LRPPRC: variants seen among roughly 807,000 people sequenced by gnomAD.
LRPPRC encodes leucine rich pentatricopeptide repeat containing, also known as leucine-rich PPR motif-containing protein, mitochondrial.
Under a neutral mutation model 180.3 loss-of-function variants are expected in LRPPRC, and 120 were observed. The observed-to-expected ratio is 0.67, with a 90% CI of 0.57 to 0.77. The LOEUF is 0.77. LRPPRC is among the 30% of genes least tolerant of loss of function. LRPPRC has a pLI of 0.00. For synonymous variants in LRPPRC, 723 were observed against 600.0 expected (o/e 1.21, Z -3.00); for missense variants, 2,012 against 1,657.2 (o/e 1.21, Z -3.72).
upstream of LRPPRC, chr2:43,996,064 G>GA (rs1480499118): frequency 6.0e-6 from 6 of 1,007,240 alleles, no homozygotes; most frequent in South Asian, 7.3e-5. Context: ...AATGTGGGGG[G>GA]AGCGACGGAT....
intron 14 of LRPPRC, among the ~76,000 whole-genome samples, chr2:43,952,706 G>A (rs912710279): frequency 3.5e-4 from 54 of 152,120 alleles, no homozygotes; most frequent in African/African-American, 1.2e-3. Flanking sequence ...CTGCATGTAC[G>A]TATTTAAGTT....
At chr2:43,968,577 T>G (rs1418522230) in intron 11 of LRPPRC, among the ~76,000 whole-genome samples, 2 of 152,156 alleles carry the variant, frequency 1.3e-5, no homozygotes, top group Non-Finnish European at 2.9e-5. Flanking sequence ...CTTCTCTACA[T>G]AAAGAAAGCT....
At chr2:43,918,533 A>C (rs762133713) in intron 27 of LRPPRC, 135 bp from the exon 28 acceptor site, 1 of 734,258 alleles carries the variant, frequency 1.4e-6, no homozygotes, top group Non-Finnish European at 2.3e-6. Flanking sequence ...AGGAACCAAA[A>C]GTGACCGTGA....
Position 43,974,640 on chromosome 2 carries a change from A to T in LRPPRC, c.983T>A (p.Val328Asp). The change falls in exon 8 of 38, where the codon GTT (valine) becomes GAT (aspartate). Residue 328 changes from valine to aspartate, a missense_variant. Physicochemically the swap from Val to Asp is radical, Grantham distance 152. Coordinates refer to ENST00000260665, the MANE Select transcript of LRPPRC (RefSeq NM_133259.4). ...TGGAATATATCTTCTTTCACATGTA[A>T]CTTTTTCCAAAATTTCTGAGACATA... The part of the protein sequence containing the change: ...PQYVSEILEK[V>D]TCERRYIPDA... The T allele has an allele frequency of 6.2e-7, 1 of 1,605,082 alleles. No homozygotes were observed. The highest frequency in any genetic ancestry group is 8.5e-7 in the Non-Finnish European group (1 of 1,171,976).
At chr2:43,995,375 T>A (rs538581059) in intron 1 of LRPPRC, among the ~76,000 whole-genome samples, 28 of 152,294 alleles carry the variant, frequency 1.8e-4, no homozygotes, top group Non-Finnish European at 2.4e-4. Flanking sequence ...CGCAAAAAGC[T>A]AAATTTCCAA....
rs770240891 is a variant in LRPPRC at position 43,944,566 on chromosome 2, C to T, written c.2297-672G>A. Among the ~76,000 whole-genome samples the T allele has an allele frequency of 2.6e-5, 4 of 152,064 alleles. No individual in the cohort carries two copies. The South Asian group carries it at 8.3e-4, about 32-fold the overall frequency. ...TAATCCTTAGAAAGAGTTAGAAAGG[C>T]GTCCTAGGAAAACATTCAATGTTCT... On this transcript the variant is annotated intron_variant, in intron 22 of 37. Transcript: ENST00000260665.
intron 1 of LRPPRC, among the ~76,000 whole-genome samples, chr2:43,991,205 A>G (rs1257023563): frequency 6.6e-6 from 1 of 151,586 alleles, no homozygotes; most frequent in Non-Finnish European, 1.5e-5. Context: ...TTGTTTTTGT[A>G]TTTTTAGTAA....
intron 36 of LRPPRC, among the ~76,000 whole-genome samples, chr2:43,890,982 G>GC (rs1670470404): frequency 6.6e-6 from 1 of 152,090 alleles, no homozygotes; most frequent in Non-Finnish European, 1.5e-5. Context: ...ATTGTCAACC[G>GC]CAACTCCGGC....
At chr2:43,937,311 T>G (rs1364570098) in intron 23 of LRPPRC, among the ~76,000 whole-genome samples, 1 of 152,142 alleles carries the variant, frequency 6.6e-6, no homozygotes, top group East Asian at 1.9e-4. Context: ...GAATTAGAAA[T>G]TTATAATGAA....
At chr2:43,948,626 G>C in intron 16 of LRPPRC, 108 bp from the exon 17 acceptor site, 1 of 717,764 alleles carries the variant, frequency 1.4e-6, no homozygotes, top group South Asian at 1.5e-5. Context: ...ACCCTGATGA[G>C]AGGCTCTGAA....
intron 22 of LRPPRC, 22 bp from the exon 23 acceptor site, chr2:43,943,916 G>C: frequency 6.4e-7 from 1 of 1,551,648 alleles, no homozygotes; most frequent in Non-Finnish European, 8.9e-7. Context: ...TAACACAAAA[G>C]ACCCTTAGGT....
intron 30 of LRPPRC, among the ~76,000 whole-genome samples, chr2:43,911,036 G>A (rs1671237060): frequency 1.3e-5 from 2 of 151,598 alleles, no homozygotes; most frequent in African/African-American, 4.8e-5. Context: ...ATAATTTTCT[G>A]AGAAAAGTAA....
At chr2:43,922,644 A>C (rs1671739043) in intron 27 of LRPPRC, among the ~76,000 whole-genome samples, 1 of 152,204 alleles carries the variant, frequency 6.6e-6, no homozygotes, top group Non-Finnish European at 1.5e-5. Flanking sequence ...CTGTAGTCCC[A>C]GCTACTGGGA....
In LRPPRC at chr2:43,976,188, G is replaced by C. The variant is rs1674046499; in HGVS notation, c.692C>G (p.Thr231Arg). The change falls in exon 6 of 38, where the codon ACA becomes AGA. Residue 231 changes from threonine (T) to arginine (R), a missense_variant. Thr to Arg is a moderately conservative substitution (Grantham distance 71). Transcript: ENST00000260665. ...CACAAGGGCACTGAATACTGCCTCT[G>C]TAACTGGGAGATCCTTAGTTTTCAT... ...GFMKTKDLPV[T>R]EAVFSALVTG... The C allele has an allele frequency of 1.2e-6, 2 of 1,612,514 alleles. No individual in the cohort carries two copies. Among genetic ancestry groups the C allele is most frequent in the Non-Finnish European group, 1.7e-6 (2 of 1,178,564 alleles).
In LRPPRC at chr2:43,934,411, G is replaced by C. The variant is rs970673827; in HGVS notation, c.2630-115C>G. 42 of 649,242 alleles carry C rather than the reference G, an allele frequency of 6.5e-5. No homozygotes were observed. The African/African-American group carries it at 6.8e-4, about 11-fold the overall frequency. 40.2% of individuals were successfully genotyped at this position (649,242 alleles called of 1,614,324 possible). A position where few individuals can be genotyped will look rare whatever the true frequency, so the allele number is the denominator to read the frequency against. Reference sequence around the variant, plus strand: ...AATTTATTTTAAAAACAAATATTAAGAATAACTTAAAGAATATAGCTATAT... The same window carrying C: ...AATTTATTTTAAAAACAAATATTAACAATAACTTAAAGAATATAGCTATAT... On this transcript the variant is annotated intron_variant, in intron 24 of 37. Coordinates refer to ENST00000260665, the MANE Select transcript of LRPPRC (RefSeq NM_133259.4).
In LRPPRC at chr2:43,925,073, G is replaced by C. The variant is rs1671828827; in HGVS notation, c.2890C>G (p.Leu964Val). ...GAATAGTTAAATCACTTACTATACA[G>C]TTTTAGCAGATTGTAGTACATCTGG... ...RDQMYYNLLK[L>V]YKINGDWQRA... is the part of the protein sequence containing the mutation. Residue 964 changes from leucine to valine, a missense_variant, in exon 27 of 38, where the codon CTG becomes GTG. By Grantham distance (32) the Leu-to-Val change is conservative (BLOSUM62 1). Transcript: ENST00000260665. The C allele has an allele frequency of 6.6e-7, 1 of 1,520,260 alleles. No homozygotes were observed. The allele number at this position is 1,520,260 out of a possible 1,614,324, so 94.2% of individuals were successfully genotyped here. A position where few individuals can be genotyped will look rare whatever the true frequency, so the allele number is the denominator to read the frequency against.
chr2:43,962,480 G>A (rs1006773742), intron 12 of LRPPRC, among the ~76,000 whole-genome samples: 1 of 152,176 alleles, frequency 6.6e-6, no homozygotes, highest in Non-Finnish European at 1.5e-5. Flanking sequence ...TAAACAACAT[G>A]TTCCTTATTA....
chr2:43,897,583 C>T (rs1670730495), intron 34 of LRPPRC, among the ~76,000 whole-genome samples: 1 of 152,040 alleles, frequency 6.6e-6, no homozygotes, highest in Non-Finnish European at 1.5e-5. Context: ...GTTTGACAAG[C>T]AGGTAAAGGA....
intron 23 of LRPPRC, among the ~76,000 whole-genome samples, chr2:43,935,199 G>A (rs1321263676): frequency 1.3e-5 from 2 of 152,170 alleles, no homozygotes; most frequent in African/African-American, 2.4e-5. Flanking sequence ...CTGACTTTAT[G>A]TAGAAAGTTG....
Sources: allele counts gnomAD v4.1 joint callset (sites outside exome capture counted in the v4.1 genomes callset), GRCh38; gene constraint gnomAD v4.1.1; transcripts MANE v1.5; gene names NCBI Gene and HGNC (gene_info 2026-07-23, HGNC 2026-07-21).